NTM: variants seen among roughly 807,000 people sequenced by gnomAD.
NTM encodes the protein IgLON family member 2.
Under a neutral mutation model 42.1 loss-of-function variants are expected in NTM, and 13 were observed. That is an observed-to-expected ratio of 0.31 (90% CI 0.20 to 0.49). NTM has a LOEUF of 0.49. NTM is among the 20% of genes least tolerant of loss of function. NTM has a pLI of 0.99. For synonymous variants in NTM, 187 were observed against 179.2 expected (o/e 1.04, Z -0.35); for missense variants, 373 against 452.8 (o/e 0.82, Z 1.60).
intron 2 of NTM, among the ~76,000 whole-genome samples, chr11:132,144,662 C>A (rs1175594296): frequency 6.6e-6 from 1 of 152,128 alleles, no homozygotes; most frequent in East Asian, 1.9e-4. Flanking sequence ...TAAACCTCTC[C>A]TGTGATTCTA....
At chr11:131,436,165 G>C (rs1192897330) in intron 1 of NTM, among the ~76,000 whole-genome samples, 2 of 152,188 alleles carry the variant, frequency 1.3e-5, no homozygotes, top group Admixed American at 1.3e-4. Flanking sequence ...TAAGCTTTTT[G>C]ATGTGCTGCT....
chr11:132,104,392 G>A (rs541318728), intron 2 of NTM, among the ~76,000 whole-genome samples: 3 of 150,814 alleles, frequency 2.0e-5, no homozygotes, highest in South Asian at 2.1e-4. Context: ...TCCTGTTCAT[G>A]TATTTTTTTC....
intron 1 of NTM, among the ~76,000 whole-genome samples, chr11:131,565,524 T>A (rs778528994): frequency 6.6e-6 from 1 of 152,176 alleles, no homozygotes; most frequent in Non-Finnish European, 1.5e-5. Context: ...GGGCTGAACA[T>A]CTTTGTTGTC....
chr11:131,496,578 T>A (rs1955369461), intron 1 of NTM, among the ~76,000 whole-genome samples: 1 of 152,160 alleles, frequency 6.6e-6, no homozygotes, highest in Non-Finnish European at 1.5e-5. Flanking sequence ...CACCAGCAGC[T>A]CTGGGAGCCA....
At position 131,971,166 on chromosome 11, in the gene NTM, T is replaced by G. The variant is rs540548327; in HGVS notation, c.167+59518T>G. Among the ~76,000 whole-genome samples, 7 of 152,312 alleles carry G rather than the reference T, an allele frequency of 4.6e-5. No individual in the cohort carries two copies. The South Asian group carries it at 1.5e-3, about 32-fold the overall frequency. On this transcript the variant is annotated intron_variant, in intron 2 of 8. Coordinates refer to ENST00000683400, the MANE Select transcript of NTM (RefSeq NM_001352005.2). ...TTGCTTTTCAATATGGATTTACAAGTGTACACTCGCCAGTAGAGTGCAAGA... is the reference window on the plus strand; with the variant it reads ...TTGCTTTTCAATATGGATTTACAAGGGTACACTCGCCAGTAGAGTGCAAGA...
intron 1 of NTM, among the ~76,000 whole-genome samples, chr11:131,781,985 TGGA>T (rs1222060796): frequency 6.6e-6 from 1 of 152,216 alleles, no homozygotes; most frequent in Non-Finnish European, 1.5e-5. Context: ...CACAGCATGG[TGGA>T]GGACTCCTGG....
intron 1 of NTM, among the ~76,000 whole-genome samples, chr11:131,515,806 A>G (rs2048824609): frequency 6.6e-6 from 1 of 152,200 alleles, no homozygotes; most frequent in Non-Finnish European, 1.5e-5. Flanking sequence ...GAGATTGCAC[A>G]TACAAAGCTT....
intron 3 of NTM, among the ~76,000 whole-genome samples, chr11:132,176,641 A>G (rs1213685543): frequency 6.7e-6 from 1 of 148,822 alleles, no homozygotes; most frequent in African/African-American, 2.5e-5. Flanking sequence ...ATGTGTTATT[A>G]TATTCATATA....
intron 2 of NTM, among the ~76,000 whole-genome samples, chr11:132,062,810 G>A (rs1215699653): frequency 6.6e-6 from 1 of 152,130 alleles, no homozygotes; most frequent in Non-Finnish European, 1.5e-5. Flanking sequence ...TAGAAATGAA[G>A]TCCTTTATTG....
intron 3 of NTM, among the ~76,000 whole-genome samples, chr11:132,148,267 G>C (rs964693761): frequency 1.3e-5 from 2 of 152,210 alleles, no homozygotes; most frequent in East Asian, 3.8e-4. Flanking sequence ...TGCCATGTGA[G>C]ATTTTTGTTT....
chr11:132,026,397 C>A (rs1288192192), intron 2 of NTM, among the ~76,000 whole-genome samples: 1 of 152,106 alleles, frequency 6.6e-6, no homozygotes, highest in South Asian at 2.1e-4. Context: ...TCCTGGGGTC[C>A]ACTTATATGA....
intron 1 of NTM, among the ~76,000 whole-genome samples, chr11:131,684,075 A>G (rs2134889549): frequency 6.6e-6 from 1 of 152,268 alleles, no homozygotes; most frequent in African/African-American, 2.4e-5. Flanking sequence ...ATTCAAGATC[A>G]CTTAACCTCG....
chr11:132,159,609 A>G (rs909292620), intron 3 of NTM, among the ~76,000 whole-genome samples: 1 of 152,202 alleles, frequency 6.6e-6, no homozygotes, highest in Non-Finnish European at 1.5e-5. Flanking sequence ...ATTTGAAAGC[A>G]GAAAGGAGAA....
intron 1 of NTM, among the ~76,000 whole-genome samples, chr11:131,522,630 G>A (rs1344372040): frequency 1.3e-5 from 2 of 152,208 alleles, no homozygotes; most frequent in Admixed American, 1.3e-4. Flanking sequence ...TACGACCTAC[G>A]TGGAAAGGTT....
At chr11:131,928,934 T>C (rs2058272067) in intron 2 of NTM, among the ~76,000 whole-genome samples, 1 of 152,276 alleles carries the variant, frequency 6.6e-6, no homozygotes, top group African/African-American at 2.4e-5. Flanking sequence ...TCCTTCATTT[T>C]TTCAATCAGT....
chr11:132,223,006 A>G (rs774670907), intron 4 of NTM, among the ~76,000 whole-genome samples: 27 of 152,248 alleles, frequency 1.8e-4, no homozygotes, highest in Admixed American at 2.0e-4. Flanking sequence ...ATAGAAAAAG[A>G]CAAATGGCTT....
intron 1 of NTM, among the ~76,000 whole-genome samples, chr11:131,574,359 T>G (rs377066933): frequency 5.9e-5 from 9 of 152,108 alleles, no homozygotes; most frequent in African/African-American, 2.2e-4. Flanking sequence ...CCACTCCCTT[T>G]AATTCTTTCA....
At chr11:131,633,728 T>TCTCTCTCTCTCCCCCC (rs1555059439) in intron 1 of NTM, among the ~76,000 whole-genome samples, 2 of 21,344 alleles carry the variant, frequency 9.4e-5, no homozygotes, top group African/African-American at 1.9e-4. Flanking sequence ...CCTCTCTCTC[T>TCTCTCTCTCTCCCCCC]CTCTCTCTCC....
intron 3 of NTM, among the ~76,000 whole-genome samples, chr11:132,198,696 G>T (rs1352241472): frequency 2.0e-5 from 3 of 152,172 alleles, no homozygotes; most frequent in Non-Finnish European, 4.4e-5. Context: ...TTTGCATAGA[G>T]CCCTTACTGA....
Sources: gnomAD v4.1 joint callset for allele counts (sites outside exome capture counted in the v4.1 genomes callset) on GRCh38, gnomAD v4.1.1 for gene constraint, MANE v1.5 for transcripts, NCBI Gene and HGNC (gene_info 2026-07-23, HGNC 2026-07-21) for gene names.